The following TCF7L1 variants were observed in gnomAD, a reference collection of about 807,000 sequenced individuals.
The protein encoded by TCF7L1 is transcription factor 7 like 1.
Under a neutral mutation model 63.7 loss-of-function variants are expected in TCF7L1, and 18 were observed. The ratio of observed to expected loss-of-function variants is 0.28; its 90% CI spans 0.20 to 0.42. The LOEUF is 0.42. Among genes scored for constraint, TCF7L1 ranks in the 10% least tolerant of loss-of-function variants. The probability of loss-of-function intolerance (pLI) is 1.00; values close to 1 mark genes in which losing one functional copy is unlikely to be tolerated. For missense variants in TCF7L1, 654 were observed against 779.3 expected (o/e 0.84, Z 1.91); for synonymous variants, 355 against 340.9 (o/e 1.04, Z -0.46).
At chr2:85,193,057 C>T (rs763604885) in intron 3 of TCF7L1, among the ~76,000 whole-genome samples, 52 of 152,122 alleles carry the variant, frequency 3.4e-4, no homozygotes, top group Admixed American at 5.9e-4. Context: ...TGAATTGTAT[C>T]GATACCTGGG....
rs1237065830 is a variant in TCF7L1 at position 85,189,631 on chromosome 2, C to T, written c.441+55181C>T. Among the ~76,000 whole-genome samples, 5 of 152,344 alleles carry T rather than the reference C, an allele frequency of 3.3e-5. No individual in the cohort carries two copies. The East Asian group carries it at 7.7e-4, about 24-fold the overall frequency. On this transcript the variant is annotated intron_variant, in intron 3 of 11. Coordinates refer to ENST00000282111, the MANE Select transcript of TCF7L1 (RefSeq NM_031283.3). ...AAAGTGGAGAAGTCTTCACACTGCT[C>T]TTTGTGGAAGGACGGCCTCCCTTCC... is the stretch of plus-strand genomic sequence containing the variant.
At chr2:85,188,328 T>C (rs1228553955) in intron 3 of TCF7L1, among the ~76,000 whole-genome samples, 3 of 152,246 alleles carry the variant, frequency 2.0e-5, no homozygotes, top group African/African-American at 7.2e-5. Context: ...AGTGTGCCAA[T>C]CTCAATATCC....
intron 3 of TCF7L1, among the ~76,000 whole-genome samples, chr2:85,153,112 C>T (rs370214294): frequency 2.7e-4 from 41 of 152,332 alleles, no homozygotes; most frequent in African/African-American, 9.6e-4. Flanking sequence ...AAGTTCAGTC[C>T]TTCTGAAGAT....
At chr2:85,268,911 G>A (rs1306878417) in intron 3 of TCF7L1, among the ~76,000 whole-genome samples, 1 of 152,194 alleles carries the variant, frequency 6.6e-6, no homozygotes, top group Admixed American at 6.5e-5. Flanking sequence ...GGGGCAAGGT[G>A]AATGTTAGGG....
At chr2:85,294,026 ATTTTTTTTTTTTT>A in intron 4 of TCF7L1, among the ~76,000 whole-genome samples, 1 of 59,486 alleles carries the variant, frequency 1.7e-5, no homozygotes, top group South Asian at 7.6e-4. Context: ...GAACACTGGG[ATTTTTTTTTTTTT>A]TTTTTTTTTT....
At chr2:85,243,450 G>A (rs1007868526) in intron 3 of TCF7L1, among the ~76,000 whole-genome samples, 2 of 152,154 alleles carry the variant, frequency 1.3e-5, no homozygotes, top group Admixed American at 1.3e-4. Context: ...GGCCCCCTCT[G>A]TGCAGGGTTC....
chr2:85,216,883 T>C (rs1259256422), intron 3 of TCF7L1: 3 of 152,236 alleles, frequency 2.0e-5, no homozygotes, highest in Non-Finnish European at 4.4e-5. Context: ...GCAGAGGCTT[T>C]GGAGAGATGT....
rs1215036312 is a variant in TCF7L1 at position 85,133,467 on chromosome 2, C to T, written c.-218C>T. The T allele has an allele frequency of 3.3e-5, 5 of 149,310 alleles. No individual in the cohort carries two copies. The highest frequency in any genetic ancestry group is 6.0e-5 in the Non-Finnish European group (4 of 67,030). The allele number at this position is 149,310 out of a possible 1,614,324, so 9.2% of individuals were successfully genotyped here. On this transcript the variant is annotated 5_prime_UTR_variant, in exon 1 of 12. Transcript: ENST00000282111. This position sits in a 1 kb window ranked among gnomAD's most constrained non-coding sequence, Gnocchi z 4.4. ...CGGCGGCGGTGGCGAGTTGGGGAGCCCTAGGCTCGGCGCTGCCGGAGGGGC... is the reference window on the plus strand; with the variant it reads ...CGGCGGCGGTGGCGAGTTGGGGAGCTCTAGGCTCGGCGCTGCCGGAGGGGC...
chr2:85,168,573 T>C (rs1678474265), intron 3 of TCF7L1, among the ~76,000 whole-genome samples: 2 of 151,120 alleles, frequency 1.3e-5, no homozygotes, highest in Middle Eastern at 6.9e-3. Flanking sequence ...CTGCGTGGAC[T>C]GAACCTGGGA....
intron 3 of TCF7L1, among the ~76,000 whole-genome samples, chr2:85,235,010 A>C (rs1573003036): frequency 6.6e-6 from 1 of 152,186 alleles, no homozygotes; most frequent in East Asian, 1.9e-4. Flanking sequence ...TGTCTAGCGC[A>C]CTGTGCTCCA....
chr2:85,236,093 C>T (rs954127690), intron 3 of TCF7L1, among the ~76,000 whole-genome samples: 1 of 152,050 alleles, frequency 6.6e-6, no homozygotes, highest in Non-Finnish European at 1.5e-5. Flanking sequence ...GTCAAGGCTG[C>T]AGTGAGCTGT....
intron 3 of TCF7L1, among the ~76,000 whole-genome samples, chr2:85,261,071 T>C (rs988642297): frequency 2.0e-5 from 3 of 151,950 alleles, no homozygotes; most frequent in Non-Finnish European, 1.5e-5. Context: ...GTGTAGAATT[T>C]GCACATATAC....
intron 3 of TCF7L1, among the ~76,000 whole-genome samples, chr2:85,158,377 T>C (rs1678200498): frequency 6.6e-6 from 1 of 152,180 alleles, no homozygotes; most frequent in Admixed American, 6.5e-5. Flanking sequence ...ACCATGCACA[T>C]GACTCCGTGT....
intron 3 of TCF7L1, among the ~76,000 whole-genome samples, chr2:85,262,732 A>G (rs990131332): frequency 6.6e-6 from 1 of 152,196 alleles, no homozygotes; most frequent in Admixed American, 6.5e-5. Flanking sequence ...ATTAGAGAAC[A>G]AGCATATGGG....
At chr2:85,212,273 C>G (rs1483031901) in intron 3 of TCF7L1, among the ~76,000 whole-genome samples, 2 of 152,024 alleles carry the variant, frequency 1.3e-5, no homozygotes, top group African/African-American at 4.8e-5. Context: ...GGGTTCAAAC[C>G]CTGGACCCAC....
intron 3 of TCF7L1, among the ~76,000 whole-genome samples, chr2:85,171,556 G>T (rs1678545845): frequency 6.6e-6 from 1 of 152,220 alleles, no homozygotes; most frequent in Non-Finnish European, 1.5e-5. Context: ...GTCCTTCAGA[G>T]CTTCTGTTGT....
chr2:85,153,340 ATT>A (rs66697146), intron 3 of TCF7L1, among the ~76,000 whole-genome samples: 8 of 102,248 alleles, frequency 7.8e-5, no homozygotes, highest in African/African-American at 1.3e-4. Context: ...GCCTTTATAA[ATT>A]TTTTTTTTTT....
At chr2:85,163,570 C>T (rs1156458946) in intron 3 of TCF7L1, among the ~76,000 whole-genome samples, 4 of 152,130 alleles carry the variant, frequency 2.6e-5, no homozygotes, top group African/African-American at 7.2e-5. Flanking sequence ...TCAGGCCATA[C>T]GTTTGATTTT....
At chr2:85,274,332 G>A (rs10201683) in intron 3 of TCF7L1, among the ~76,000 whole-genome samples, 3 of 152,198 alleles carry the variant, frequency 2.0e-5, no homozygotes, top group African/African-American at 7.2e-5. Context: ...AAAGCCTAGG[G>A]CTCTGTCCCG....
Sources: gnomAD v4.1 joint callset for allele counts (sites outside exome capture counted in the v4.1 genomes callset) on GRCh38, gnomAD v4.1.1 for gene constraint, Gnocchi (gnomAD v3.1) non-coding constraint, MANE v1.5 for transcripts, NCBI Gene and HGNC (gene_info 2026-07-23, HGNC 2026-07-21) for gene names.